Variants in PDE1A observed in about 807,000 individuals in gnomAD.
PDE1A encodes the protein phosphodiesterase 1A, also known as dual specificity calcium/calmodulin-dependent 3',5'-cyclic nucleotide phosphodiesterase 1A.
Under a neutral mutation model 61.7 loss-of-function variants are expected in PDE1A, and 35 were observed. The observed-to-expected ratio is 0.57, with a 90% CI of 0.43 to 0.75. PDE1A has a LOEUF of 0.75. Among genes scored for constraint, PDE1A ranks in the 30% least tolerant of loss-of-function variants. PDE1A has a pLI of 0.00. For missense variants in PDE1A, 597 were observed against 630.6 expected (o/e 0.95, Z 0.57); for synonymous variants, 232 against 213.2 (o/e 1.09, Z -0.77).
Position 182,245,790 on chromosome 2 carries a change from G to T in PDE1A, c.168-5498C>A, listed in dbSNP as rs1039586871. ...GATTGCTCCAAGGTTTGACAATTAT[G>T]AATAAAGCTCCTATAAACAGGTACA... On this transcript the variant is annotated intron_variant, in intron 2 of 13. Transcript: ENST00000351439. Among the ~76,000 whole-genome samples, 168 of 152,242 alleles carry T rather than the reference G, an allele frequency of 1.1e-3. 1 individual carries two copies. Among genetic ancestry groups the T allele is most frequent in the African/African-American group, 4.0e-3 (167 of 41,546 alleles).
chr2:182,453,199 G>A (rs147460673), intron 2 of PDE1A, among the ~76,000 whole-genome samples: 2,208 of 152,174 alleles, frequency 0.015, 176 homozygotes, highest in Admixed American at 0.13. Context: ...CATGGTGGTA[G>A]CAAGACTCCT....
intron 1 of PDE1A, among the ~76,000 whole-genome samples, chr2:182,400,412 C>T (rs1469159746): frequency 6.6e-6 from 1 of 152,242 alleles, no homozygotes; most frequent in African/African-American, 2.4e-5. Context: ...AAGACAAATC[C>T]TTTATGGATA....
intron 2 of PDE1A, among the ~76,000 whole-genome samples, chr2:182,450,939 C>T (rs537666292): frequency 5.8e-4 from 88 of 152,174 alleles, no homozygotes; most frequent in Middle Eastern, 3.4e-3. Context: ...AAGTTCTTTC[C>T]TTCTGAGAAA....
intron 1 of PDE1A, among the ~76,000 whole-genome samples, chr2:182,331,071 A>T (rs1006992911): frequency 2.0e-5 from 3 of 152,108 alleles, no homozygotes; most frequent in Non-Finnish European, 2.9e-5. Flanking sequence ...GAAGTCTTTG[A>T]AGCATATCTA....
chr2:182,386,472 T>C (rs1701091519), intron 1 of PDE1A, among the ~76,000 whole-genome samples: 1 of 149,730 alleles, frequency 6.7e-6, no homozygotes, highest in Non-Finnish European at 1.5e-5. Context: ...GTCTGGGATG[T>C]GAGGAGCGCC....
intron 2 of PDE1A, among the ~76,000 whole-genome samples, chr2:182,435,521 G>A (rs1684342054): frequency 6.6e-6 from 1 of 151,994 alleles, no homozygotes. Flanking sequence ...AGTTACAGAG[G>A]CTCACACCAT....
the PDE1A span, among the ~76,000 whole-genome samples, chr2:182,673,452 TTAG>T: frequency 6.6e-6 from 1 of 152,136 alleles, no homozygotes; most frequent in Non-Finnish European, 1.5e-5. Flanking sequence ...TGTCTTCCTT[TTAG>T]TTCAATACAT....
intron 1 of PDE1A, among the ~76,000 whole-genome samples, chr2:182,399,775 T>C (rs1425664295): frequency 6.6e-6 from 1 of 152,080 alleles, no homozygotes; most frequent in Non-Finnish European, 1.5e-5. Flanking sequence ...TCCTAATAGC[T>C]GCCTATGTTC....
the PDE1A span, among the ~76,000 whole-genome samples, chr2:182,545,483 G>A: frequency 6.6e-6 from 1 of 152,126 alleles, no homozygotes; most frequent in Non-Finnish European, 1.5e-5. Context: ...GAAATATCCA[G>A]AGTGGTTTCT....
the PDE1A span, among the ~76,000 whole-genome samples, chr2:182,551,358 A>G: frequency 6.6e-6 from 1 of 152,176 alleles, no homozygotes. Context: ...AGTGATGGTG[A>G]TCCAGAAGCT....
chr2:182,161,578 C>T (rs1018434599), intron 13 of PDE1A, among the ~76,000 whole-genome samples: 2 of 152,052 alleles, frequency 1.3e-5, no homozygotes, highest in Non-Finnish European at 2.9e-5. Flanking sequence ...CAGCAGTTGC[C>T]GGGCAAGACA....
At chr2:182,518,074 T>G (rs1690326136) in intron 2 of PDE1A, among the ~76,000 whole-genome samples, 1 of 152,172 alleles carries the variant, frequency 6.6e-6, no homozygotes, top group East Asian at 1.9e-4. Flanking sequence ...CAAGCTGGTA[T>G]ACAGTGACCC....
intron 13 of PDE1A, among the ~76,000 whole-genome samples, chr2:182,172,935 G>GCA (rs1692371012): frequency 6.6e-6 from 1 of 152,000 alleles, no homozygotes; most frequent in Admixed American, 6.6e-5. Flanking sequence ...CTTCCCAGGA[G>GCA]TAGAGAGCAA....
chr2:182,253,571 G>A (rs1691562163), intron 2 of PDE1A, among the ~76,000 whole-genome samples: 1 of 151,990 alleles, frequency 6.6e-6, no homozygotes, highest in Non-Finnish European at 1.5e-5. Flanking sequence ...AATTCTCATT[G>A]GCCAGAATCA....
At chr2:182,318,841 CT>C (rs1486277047) in intron 1 of PDE1A, among the ~76,000 whole-genome samples, 3 of 152,102 alleles carry the variant, frequency 2.0e-5, no homozygotes, top group African/African-American at 4.8e-5. Context: ...TTATTCCTTT[CT>C]TTTTTTAAAA....
chr2:182,518,400 C>T (rs1690348057), intron 2 of PDE1A, among the ~76,000 whole-genome samples: 2 of 152,100 alleles, frequency 1.3e-5, no homozygotes, highest in Non-Finnish European at 1.5e-5. Context: ...TGCTTCTAAA[C>T]ATTTTGTCCT....
chr2:182,629,832 T>C, the PDE1A span, among the ~76,000 whole-genome samples: 2 of 152,368 alleles, frequency 1.3e-5, no homozygotes, highest in South Asian at 4.1e-4. Flanking sequence ...AAAAGGATGC[T>C]AAAATGTAAG....
downstream of PDE1A, chr2:182,142,272 C>T (rs959836664): frequency 2.6e-5 from 4 of 152,168 alleles, no homozygotes; most frequent in African/African-American, 7.2e-5. Flanking sequence ...CAATGGTTGA[C>T]GGTCTTGTTA....
At chr2:182,619,859 C>CA in the PDE1A span, among the ~76,000 whole-genome samples, 2 of 152,138 alleles carry the variant, frequency 1.3e-5, no homozygotes, top group Non-Finnish European at 2.9e-5. Flanking sequence ...CAGCACCTTG[C>CA]AAGGGCCCTT....
Sources: allele counts gnomAD v4.1 joint callset (sites outside exome capture counted in the v4.1 genomes callset), GRCh38; gene constraint gnomAD v4.1.1; transcripts MANE v1.5; gene names NCBI Gene and HGNC (gene_info 2026-07-23, HGNC 2026-07-21).